Variants in SAMD12 observed in about 807,000 individuals in gnomAD.
SAMD12 encodes the protein sterile alpha motif domain containing 12, also known as sterile alpha motif domain-containing protein 12.
A neutral mutation model predicts 15.0 loss-of-function variants in SAMD12; 9 were observed. That is an observed-to-expected ratio of 0.60 (90% CI 0.36 to 1.05). The LOEUF is 1.05. SAMD12 is among the 50% of genes least tolerant of loss of function. SAMD12 has a pLI of 0.01. For synonymous variants in SAMD12, 86 were observed against 90.1 expected (o/e 0.96, Z 0.25); for missense variants, 230 against 234.2 (o/e 0.98, Z 0.12).
chr8:118,451,985 C>A (rs6983349), intron 2 of SAMD12, among the ~76,000 whole-genome samples: 3,649 of 152,178 alleles, frequency 0.024, 128 homozygotes, highest in African/African-American at 0.083. Context: ...CAAGACAGGG[C>A]CTTTAGGGAA....
the SAMD12 span, among the ~76,000 whole-genome samples, chr8:118,160,237 C>G: frequency 6.6e-6 from 1 of 152,112 alleles, no homozygotes; most frequent in East Asian, 1.9e-4. Context: ...TTAATTTAAG[C>G]AGACTTGAAC....
intron 2 of SAMD12, among the ~76,000 whole-genome samples, chr8:118,530,791 T>C (rs1265740373): frequency 1.3e-5 from 2 of 152,186 alleles, no homozygotes; most frequent in African/African-American, 4.8e-5. Flanking sequence ...AATATCTAGA[T>C]GAGCTTTTGC....
At chr8:118,608,108 C>T (rs187867956) in intron 1 of SAMD12, among the ~76,000 whole-genome samples, 13 of 152,268 alleles carry the variant, frequency 8.5e-5, no homozygotes, top group Admixed American at 4.6e-4. Context: ...CACCTCAGTA[C>T]ATTTTCCTCT....
intron 2 of SAMD12, among the ~76,000 whole-genome samples, chr8:118,558,686 G>A (rs1826616707): frequency 6.6e-6 from 1 of 152,060 alleles, no homozygotes; most frequent in East Asian, 1.9e-4. Flanking sequence ...AGCCTCCCGA[G>A]TAGCTGGGAC....
At chr8:118,170,746 T>A in the SAMD12 span, among the ~76,000 whole-genome samples, 1 of 152,072 alleles carries the variant, frequency 6.6e-6, no homozygotes, top group Non-Finnish European at 1.5e-5. Flanking sequence ...AAAATAAGAG[T>A]AAACCTTTGT....
At chr8:118,215,928 TGTGCATG>T (rs964865946) in intron 4 of SAMD12, among the ~76,000 whole-genome samples, 3 of 150,930 alleles carry the variant, frequency 2.0e-5, no homozygotes, top group Non-Finnish European at 4.5e-5. Context: ...TAAACATATG[TGTGCATG>T]TGTCTTTATA....
the SAMD12 span, among the ~76,000 whole-genome samples, chr8:118,161,979 G>A: frequency 6.6e-6 from 1 of 151,826 alleles, no homozygotes; most frequent in Non-Finnish European, 1.5e-5. Flanking sequence ...GGACAACATG[G>A]TGAAACCCCA....
At chr8:118,548,830 T>C (rs534362039) in intron 2 of SAMD12, among the ~76,000 whole-genome samples, 1 of 152,318 alleles carries the variant, frequency 6.6e-6, no homozygotes, top group South Asian at 2.1e-4. Flanking sequence ...ACCCACATAC[T>C]GTGCTTTTCC....
At chr8:118,484,785 G>A (rs993675501) in intron 2 of SAMD12, among the ~76,000 whole-genome samples, 5 of 151,720 alleles carry the variant, frequency 3.3e-5, no homozygotes, top group African/African-American at 1.2e-4. Flanking sequence ...AAGATGGCCA[G>A]AAAAAAAACA....
At chr8:118,424,995 G>A (rs1477515202) in intron 3 of SAMD12, among the ~76,000 whole-genome samples, 1 of 151,034 alleles carries the variant, frequency 6.6e-6, no homozygotes, top group Non-Finnish European at 1.5e-5. Context: ...CTGGAGGGCA[G>A]TGGTGGGATC....
intron 4 of SAMD12, among the ~76,000 whole-genome samples, chr8:118,311,788 C>G (rs1815644406): frequency 6.6e-6 from 1 of 152,176 alleles, no homozygotes; most frequent in Admixed American, 6.5e-5. Flanking sequence ...CCTGGAAAAG[C>G]TACCCTTTCA....
At chr8:118,173,399 G>A in the SAMD12 span, among the ~76,000 whole-genome samples, 1 of 152,008 alleles carries the variant, frequency 6.6e-6, no homozygotes, top group Non-Finnish European at 1.5e-5. Context: ...CAGAGGCTTA[G>A]CTTAAAATTG....
chr8:118,440,111 T>C, intron 2 of SAMD12, 150 bp from the exon 3 acceptor site: 2 of 672,366 alleles, frequency 3.0e-6, no homozygotes, highest in East Asian at 2.8e-5. Flanking sequence ...TCTGTAGACC[T>C]TCTCAATACT....
chr8:118,540,584 C>T (rs574297591), intron 2 of SAMD12, among the ~76,000 whole-genome samples: 2 of 152,134 alleles, frequency 1.3e-5, no homozygotes, highest in African/African-American at 4.8e-5. Flanking sequence ...CAGGCTGCGT[C>T]TTTTACAGAA....
chr8:118,133,036 TTAATA>T, the SAMD12 span, among the ~76,000 whole-genome samples: 5 of 123,958 alleles, frequency 4.0e-5, no homozygotes, highest in African/African-American at 5.9e-5. Context: ...ATCTTATTAC[TTAATA>T]TGAGTCAAAC....
chr8:118,483,912 A>G (rs528244616), intron 2 of SAMD12, among the ~76,000 whole-genome samples: 1 of 152,370 alleles, frequency 6.6e-6, no homozygotes, highest in African/African-American at 2.4e-5. Context: ...TTCAATCAGC[A>G]TATATACACC....
intron 4 of SAMD12, among the ~76,000 whole-genome samples, chr8:118,331,327 A>C (rs1184166863): frequency 6.6e-6 from 1 of 152,172 alleles, no homozygotes; most frequent in Non-Finnish European, 1.5e-5. Flanking sequence ...TATGGAAGAA[A>C]ATTTCCCTTA....
chr8:118,500,200 TC>T (rs1824745210), intron 2 of SAMD12, among the ~76,000 whole-genome samples: 1 of 146,798 alleles, frequency 6.8e-6, no homozygotes, highest in African/African-American at 2.5e-5. Flanking sequence ...TGCCTCAGCC[TC>T]CCGAGTAGCT....
intron 4 of SAMD12, among the ~76,000 whole-genome samples, chr8:118,366,813 AAATAAAATAAAAT>A (rs1224605979): frequency 0.021 from 1,198 of 57,610 alleles, 55 homozygotes; most frequent in African/African-American, 0.058. Context: ...ACTCTGTCTC[AAATAAAATAAAAT>A]AAAATAAAAT....
Sources: allele counts gnomAD v4.1 joint callset (sites outside exome capture counted in the v4.1 genomes callset), GRCh38; gene constraint gnomAD v4.1.1; transcripts MANE v1.5; gene names NCBI Gene and HGNC (gene_info 2026-07-23, HGNC 2026-07-21).